RC3H2: variants seen among roughly 807,000 people sequenced by gnomAD.
The protein encoded by RC3H2 is ring finger and CCCH-type domains 2.
In RC3H2, 31 loss-of-function variants were observed where a neutral mutation model predicts 133.3. That is an observed-to-expected ratio of 0.23 (90% CI 0.17 to 0.31). The LOEUF (loss-of-function observed/expected upper bound fraction) is 0.31, where lower values mean the gene tolerates loss of function less well. Ranked by LOEUF, RC3H2 falls within the 10% of genes least tolerant of loss-of-function variation. RC3H2 has a pLI of 1.00. For synonymous variants in RC3H2, 517 were observed against 502.2 expected (o/e 1.03, Z -0.40); for missense variants, 1,175 against 1,437.2 (o/e 0.82, Z 2.95).
Position 122,877,506 on chromosome 9 carries a change from A to C in RC3H2, c.1290T>G (p.Asn430Lys), listed in dbSNP as rs765101312. 1 of 1,614,154 alleles carries C rather than the reference A, an allele frequency of 6.2e-7. No homozygotes were observed. The change falls in exon 9 of 21, where the codon AAT becomes AAG. Residue 430 changes from asparagine (N) to lysine (K), a missense_variant. By Grantham distance (94) the Asn-to-Lys change is moderately conservative. Around this residue, in one of 8 missense-constraint regions of RC3H2, gnomAD observed 131 missense variants for 154.2 expected, o/e 0.85. Coordinates refer to ENST00000357244, the MANE Select transcript of RC3H2 (RefSeq NM_001100588.3). ...CTTCCTGAGAATGGGCAAATGTACAATTTGTTCCTCGTGGACAACCCCCTT... is the reference window on the plus strand; with the variant it reads ...CTTCCTGAGAATGGGCAAATGTACACTTTGTTCCTCGTGGACAACCCCCTT... The part of the protein sequence containing the change: ...RQQGGCPRGT[N>K]CTFAHSQEEL...
At chr9:122,868,440 A>G (rs1291551057) in intron 9 of RC3H2, among the ~76,000 whole-genome samples, 9 of 151,282 alleles carry the variant, frequency 5.9e-5, no homozygotes, top group East Asian at 1.9e-4. Flanking sequence ...CTGTGACCTT[A>G]CCCCCAACCC....
chr9:122,865,448 T>C lies in RC3H2; in HGVS notation c.1535A>G (p.Asp512Gly). The part of the protein sequence containing the change: ...SVSQLISRST[D>G]STLRALETVK... ...GGTCTCCAGAGCTCTTAAGGTACTG[T>C]CAGTACTACGTGAGATTAGCTGGGA... The change falls in exon 10 of 21, where the codon GAC becomes GGC. Residue 512 changes from aspartate to glycine, a missense_variant. Asp to Gly is a moderately conservative substitution (Grantham distance 94). Transcript: ENST00000357244. The C allele has an allele frequency of 6.2e-7, 1 of 1,614,230 alleles. No individual in the cohort carries two copies. Among genetic ancestry groups the C allele is most frequent in the Non-Finnish European group, 8.5e-7 (1 of 1,180,028 alleles).
intron 1 of RC3H2, among the ~76,000 whole-genome samples, chr9:122,898,417 T>A (rs533195737): frequency 1.3e-5 from 2 of 152,114 alleles, no homozygotes; most frequent in African/African-American, 2.4e-5. Context: ...AAAAGGCACA[T>A]AGAAAAAAAC....
Position 122,884,345 on chromosome 9 carries a change from C to T in RC3H2, c.584-966G>A, listed in dbSNP as rs187952112. 8.5e-5 allele frequency among the ~76,000 whole-genome samples: 13 copies of T among 152,154 alleles called. No individual in the cohort carries two copies. The South Asian group carries it at 2.5e-3, about 29-fold the overall frequency. ...ACTCTGACAATGATATGCAAAGGAC[C>T]CACAGTAGGCTTATAATAAATGGTA... On this transcript the variant is annotated intron_variant, in intron 4 of 20. Transcript: ENST00000357244.
At position 122,880,031 on chromosome 9, in the gene RC3H2, G is replaced by A. The variant is rs1441556359; in HGVS notation, c.1055C>T (p.Pro352Leu). The part of the protein sequence containing the change: ...GDPANLNRLR[P>L]HLELLANIDP... ...TATGTTTGCAAGAAGCTCTAAATGA[G>A]GCCTCAGTCTATTTAAGTTAGCTGG... Residue 352 changes from proline (P) to leucine (L), a missense_variant, in exon 7 of 21, where the codon CCT (proline) becomes CTT (leucine). Pro to Leu is a moderately conservative substitution (Grantham distance 98). This residue lies in a region of RC3H2 where 131 missense variants were observed against 154.2 expected (regional missense o/e 0.85). Transcript: ENST00000357244. 2 of 1,614,054 alleles carry A rather than the reference G, an allele frequency of 1.2e-6. No homozygotes were observed. The highest frequency in any genetic ancestry group is 1.1e-5 in the South Asian group (1 of 91,082).
At chr9:122,855,004 A>C (rs898445683) in intron 15 of RC3H2, among the ~76,000 whole-genome samples, 180 bp downstream of exon 15, 12 of 151,916 alleles carry the variant, frequency 7.9e-5, no homozygotes, top group East Asian at 5.8e-4. Context: ...AATCCCAGCT[A>C]CTTGGGAGGC....
chr9:122,903,891 T>C (rs1159133903), intron 1 of RC3H2, among the ~76,000 whole-genome samples: 1 of 152,234 alleles, frequency 6.6e-6, no homozygotes, highest in African/African-American at 2.4e-5. Context: ...TTTAGACAGC[T>C]AAAAGGTTTT....
intron 4 of RC3H2, chr9:122,890,097 C>T (rs10985807): frequency 0.059 from 35,655 of 607,034 alleles, 1,269 homozygotes; most frequent in African/African-American, 0.092. Context: ...GCCAAGACTG[C>T]GCCACTGCAC....
chr9:122,889,998 C>T (rs1051206183), intron 4 of RC3H2, among the ~76,000 whole-genome samples: 1 of 151,896 alleles, frequency 6.6e-6, no homozygotes, highest in African/African-American at 2.4e-5. Context: ...AAAAATTAGC[C>T]GGGTATGATG....
In RC3H2 at chr9:122,859,252, C is replaced by CTTTTT. The variant is rs10608695; in HGVS notation, c.1850-155_1850-151dup. 9.5e-4 allele frequency: 181 copies of CTTTTT among 190,736 alleles called. 2 individuals carry two copies. Among genetic ancestry groups the CTTTTT allele is most frequent in the South Asian group, 1.9e-3 (13 of 7,008 alleles). 11.8% of individuals were successfully genotyped at this position (190,736 alleles called of 1,614,324 possible). On this transcript the variant is annotated intron_variant, in intron 11 of 20. Coordinates refer to ENST00000357244, the MANE Select transcript of RC3H2 (RefSeq NM_001100588.3). ...TGCTTTATAAAGCTTTATACCCTGG[C>CTTTTT]TTTTTTTTTTTTTTTTTTTTTTGGT...
At position 122,855,309 on chromosome 9, in the gene RC3H2, C is replaced by T; in HGVS notation, c.2690G>A (p.Ser897Asn). 6.2e-7 allele frequency: 1 copy of T among 1,614,064 alleles called. No individual in the cohort carries two copies. Among genetic ancestry groups the T allele is most frequent in the Non-Finnish European group, 8.5e-7 (1 of 1,179,988 alleles). The change falls in exon 15 of 21, where the codon AGT becomes AAT. Residue 897 changes from serine to asparagine, a missense_variant. Transcript: ENST00000357244. ...CCATTTTGAGATGATGGGTCCATCA[C>T]TAAAGGGAATTATTGGATCTTCTTC... is the stretch of plus-strand genomic sequence containing the variant. ...TKEEDPIIPF[S>N]DGPIISKWGA...
At chr9:122,875,478 C>A (rs903038977) in intron 9 of RC3H2, 1 of 1,380,364 alleles carries the variant, frequency 7.2e-7, no homozygotes, top group African/African-American at 1.4e-5. Context: ...TTGTCTGTGG[C>A]TGTTTTTTTG....
intron 8 of RC3H2, 45 bp downstream of exon 8, chr9:122,879,710 T>C: frequency 7.8e-7 from 1 of 1,280,896 alleles, no homozygotes; most frequent in Non-Finnish European, 1.1e-6. Context: ...AGGATGAAAC[T>C]GAGTTAGAGA....
At chr9:122,887,662 A>G (rs187165395) in intron 4 of RC3H2, among the ~76,000 whole-genome samples, 1 of 152,102 alleles carries the variant, frequency 6.6e-6, no homozygotes, top group East Asian at 1.9e-4. Context: ...TAGAAAAACA[A>G]TTGAGTCCGT....
Position 122,848,252 on chromosome 9 carries a change from AT to A in RC3H2, c.*1374del, listed in dbSNP as rs1255156161. 1.3e-5 allele frequency: 2 copies of A among 152,202 alleles called. No individual in the cohort carries two copies. Among genetic ancestry groups the A allele is most frequent in the East Asian group, 1.9e-4 (1 of 5,200 alleles). The allele number at this position is 152,202 out of a possible 1,614,324, so 9.4% of individuals were successfully genotyped here. The stretch of plus-strand genomic sequence containing the variant: ...AACTTCACAGAAGTTAATTAAAAAA[AT>A]AATAATAAAAGTCAAACTAATCTTA... On this transcript the variant is annotated 3_prime_UTR_variant, in exon 21 of 21. Coordinates refer to ENST00000357244, the MANE Select transcript of RC3H2 (RefSeq NM_001100588.3).
chr9:122,885,887 G>GT (rs560555796), intron 4 of RC3H2, among the ~76,000 whole-genome samples: 1 of 150,824 alleles, frequency 6.6e-6, no homozygotes, highest in Non-Finnish European at 1.5e-5. Context: ...GTTTTGTTTT[G>GT]TTTGTTTTGT....
chr9:122,858,949 T>A lies in RC3H2; in HGVS notation c.2003A>T (p.Asn668Ile). The change falls in exon 12 of 21, where the codon AAT (asparagine) becomes ATT (isoleucine). Residue 668 changes from asparagine to isoleucine, a missense_variant. By Grantham distance (149) the Asn-to-Ile change is moderately radical (BLOSUM62 -3). This residue lies in a region of RC3H2 where 490 missense variants were observed against 492.8 expected (regional missense o/e 0.99). Coordinates refer to ENST00000357244, the MANE Select transcript of RC3H2 (RefSeq NM_001100588.3). ...AGGAGGAGGCTGGTAAGGAGAAGAA[T>A]TCATTCGATCTCGAGGGGAAAATGT... ...YSTFSPRDRM[N>I]SSPYQPPPPQ... 1.2e-6 allele frequency: 2 copies of A among 1,614,182 alleles called. No homozygotes were observed. The highest frequency in any genetic ancestry group is 1.7e-6 in the Non-Finnish European group (2 of 1,180,030).
rs2131375582 is a variant in RC3H2 at position 122,849,679 on chromosome 9, T to C, written c.3524A>G (p.Asp1175Gly). ...AACAGGTTTTAAAAAGTCGTTTTTA[T>C]CTTCAGACATAACATGAGTTTTCAG... ...LILKTHVMSEDKNDFLKPVAN... is the reference protein window; with the variant it reads ...LILKTHVMSEGKNDFLKPVAN... The change falls in exon 21 of 21, where the codon GAT becomes GGT. Residue 1175 changes from aspartate (D) to glycine (G), a missense_variant. Physicochemically the swap from Asp to Gly is moderately conservative, Grantham distance 94. Around this residue, in one of 8 missense-constraint regions of RC3H2, gnomAD observed 220 missense variants for 201.1 expected, o/e 1.09. Coordinates refer to ENST00000357244, the MANE Select transcript of RC3H2 (RefSeq NM_001100588.3). The C allele has an allele frequency of 6.2e-7, 1 of 1,613,678 alleles. No homozygotes were observed. Among genetic ancestry groups the C allele is most frequent in the Non-Finnish European group, 8.5e-7 (1 of 1,179,884 alleles).
chr9:122,883,548 CA>C (rs1831745948), intron 4 of RC3H2, among the ~76,000 whole-genome samples, 169 bp from the exon 5 acceptor site: 1 of 152,094 alleles, frequency 6.6e-6, no homozygotes, highest in African/African-American at 2.4e-5. Flanking sequence ...AGTAATCAAG[CA>C]AAATAAAACA....
Sources: allele counts gnomAD v4.1 joint callset (sites outside exome capture counted in the v4.1 genomes callset), GRCh38; gene constraint gnomAD v4.1.1; regional missense constraint gnomAD v4.1.1; transcripts MANE v1.5; gene names NCBI Gene and HGNC (gene_info 2026-07-23, HGNC 2026-07-21).